Variants in TMPRSS11A observed in about 807,000 individuals in gnomAD.
TMPRSS11A encodes the protein transmembrane protease serine 11A.
TMPRSS11A carries 53 observed loss-of-function variants against 58.9 expected under a neutral mutation model. The ratio of observed to expected loss-of-function variants is 0.90; its 90% CI spans 0.72 to 1.13. TMPRSS11A has a LOEUF of 1.13. TMPRSS11A is among the 50% of genes most tolerant of loss of function. The pLI, the probability that TMPRSS11A is intolerant of heterozygous loss-of-function variation, is 0.00. For synonymous variants in TMPRSS11A, 167 were observed against 169.8 expected (o/e 0.98, Z 0.13); for missense variants, 493 against 499.3 (o/e 0.99, Z 0.12).
chr4:67,930,852 A>T (rs1720599511), intron 4 of TMPRSS11A, among the ~76,000 whole-genome samples: 1 of 137,158 alleles, frequency 7.3e-6, no homozygotes, highest in Admixed American at 7.3e-5. Context: ...AAAACTGTGA[A>T]AAACTCTAGA....
intron 1 of TMPRSS11A, among the ~76,000 whole-genome samples, chr4:67,958,083 G>C: frequency 6.6e-6 from 1 of 152,178 alleles, no homozygotes; most frequent in East Asian, 1.9e-4. Context: ...GAAATGCCTA[G>C]AAGTCCAGGA....
chr4:67,960,144 G>T (rs1327880709), intron 1 of TMPRSS11A, among the ~76,000 whole-genome samples: 2 of 152,230 alleles, frequency 1.3e-5, no homozygotes, highest in East Asian at 3.9e-4. Context: ...GGGAATAATG[G>T]ACACTGCAGA....
At chr4:67,925,355 T>G (rs1720439720) in intron 5 of TMPRSS11A, among the ~76,000 whole-genome samples, 1 of 152,228 alleles carries the variant, frequency 6.6e-6, no homozygotes. Context: ...TTGATGATTT[T>G]CAAGTTAAAA....
chr4:67,959,216 C>T (rs186045531), intron 1 of TMPRSS11A, among the ~76,000 whole-genome samples: 6 of 152,310 alleles, frequency 3.9e-5, no homozygotes, highest in African/African-American at 1.4e-4. Flanking sequence ...AGACAGAACA[C>T]TATGGAGTGA....
At chr4:67,955,444 C>G (rs111420678) in intron 1 of TMPRSS11A, among the ~76,000 whole-genome samples, 5 of 152,238 alleles carry the variant, frequency 3.3e-5, no homozygotes, top group African/African-American at 1.2e-4. Context: ...GATATGGTAT[C>G]AGGTTGGAGG....
At chr4:67,950,942 G>A (rs1465051602) in intron 1 of TMPRSS11A, among the ~76,000 whole-genome samples, 1 of 152,228 alleles carries the variant, frequency 6.6e-6, no homozygotes, top group African/African-American at 2.4e-5. Context: ...AGAGCCCCTG[G>A]TGAGGTGGAA....
At chr4:67,957,044 G>T (rs1721308296) in intron 1 of TMPRSS11A, among the ~76,000 whole-genome samples, 1 of 152,158 alleles carries the variant, frequency 6.6e-6, no homozygotes, top group Non-Finnish European at 1.5e-5. Context: ...CTGCCACTAT[G>T]TAAGACATGC....
chr4:67,942,636 C>A (rs74427937), intron 3 of TMPRSS11A, among the ~76,000 whole-genome samples: 1,707 of 152,232 alleles, frequency 0.011, 31 homozygotes, highest in African/African-American at 0.039. Context: ...TGTAGATGGG[C>A]GTGCACACTG....
chr4:67,960,562 A>T (rs1721398122), intron 1 of TMPRSS11A, among the ~76,000 whole-genome samples: 1 of 152,240 alleles, frequency 6.6e-6, no homozygotes, highest in Admixed American at 6.5e-5. Flanking sequence ...ATGCTTATTT[A>T]TAGTAAGCAC....
intron 1 of TMPRSS11A, among the ~76,000 whole-genome samples, chr4:67,947,167 T>C (rs1472341910): frequency 6.6e-6 from 1 of 152,170 alleles, no homozygotes; most frequent in Non-Finnish European, 1.5e-5. Flanking sequence ...ATCATTATTA[T>C]AGACAATTAG....
Position 67,911,506 on chromosome 4 carries a change from A to G in TMPRSS11A, c.1096-3T>C, listed in dbSNP as rs748482796. 6.3e-7 allele frequency: 1 copy of G among 1,598,134 alleles called. No individual in the cohort carries two copies. Among genetic ancestry groups the G allele is most frequent in the Non-Finnish European group, 8.5e-7 (1 of 1,175,094 alleles). ...ACTAAAGGTCCCCCAGAATCACCCTAAAAATAAAAACATAAGAAAAAAGAA... is the reference window on the plus strand; with the variant it reads ...ACTAAAGGTCCCCCAGAATCACCCTGAAAATAAAAACATAAGAAAAAAGAA... On this transcript the variant is annotated splice_region_variant and splice_polypyrimidine_tract_variant and intron_variant, in intron 9 of 9. Coordinates refer to ENST00000508048, the MANE Select transcript of TMPRSS11A (RefSeq NM_001114387.2).
rs1415311812 is a variant in TMPRSS11A, at chr4:67,914,711, G to C, written c.972C>G (p.Leu324=). ...TTATGATTTTCACTCTGGCTTCTCG[G>C]AGATCATTTTGGGATTCCCCTTAAG... ...LYYGGESQND[L]REARVKIISD... The change falls in exon 9 of 10, where the codon CTC becomes CTG. Residue 324 remains leucine, a synonymous_variant. Coordinates refer to ENST00000508048, the MANE Select transcript of TMPRSS11A (RefSeq NM_001114387.2). 2 of 1,612,790 alleles carry C rather than the reference G, an allele frequency of 1.2e-6. No homozygotes were observed. The highest frequency in any genetic ancestry group is 1.1e-5 in the South Asian group (1 of 90,776).
At chr4:67,949,783 C>T (rs764787167) in intron 1 of TMPRSS11A, among the ~76,000 whole-genome samples, 24 of 152,032 alleles carry the variant, frequency 1.6e-4, no homozygotes, top group Non-Finnish European at 2.2e-4. Flanking sequence ...TGCTTGAACC[C>T]GGGAGATGGA....
At chr4:67,959,021 G>A (rs1489508771) in intron 1 of TMPRSS11A, among the ~76,000 whole-genome samples, 1 of 152,206 alleles carries the variant, frequency 6.6e-6, no homozygotes, top group Admixed American at 6.5e-5. Context: ...ACATGGAACT[G>A]TGAGTGCATT....
intron 1 of TMPRSS11A, among the ~76,000 whole-genome samples, chr4:67,949,353 G>T (rs1174813153): frequency 6.6e-6 from 1 of 152,210 alleles, no homozygotes; most frequent in Non-Finnish European, 1.5e-5. Flanking sequence ...GTGAGCATCT[G>T]AGGGAAAATG....
intron 4 of TMPRSS11A, among the ~76,000 whole-genome samples, chr4:67,931,591 T>C (rs111875516): frequency 6.6e-6 from 1 of 152,328 alleles, no homozygotes; most frequent in African/African-American, 2.4e-5. Flanking sequence ...ACCCATTTTA[T>C]AGCCAAGTTT....
At chr4:67,915,783 G>C (rs924753645) in intron 8 of TMPRSS11A, among the ~76,000 whole-genome samples, 1 of 152,198 alleles carries the variant, frequency 6.6e-6, no homozygotes, top group Non-Finnish European at 1.5e-5. Flanking sequence ...CACAACCCCA[G>C]CTGACACCTT....
At chr4:67,914,785 T>C (rs1310512056) in intron 8 of TMPRSS11A, 55 bp from the exon 9 acceptor site, 2 of 1,475,260 alleles carry the variant, frequency 1.4e-6, no homozygotes, top group African/African-American at 2.8e-5. Flanking sequence ...TTGGCTAGAG[T>C]GAAGTGAGCA....
At chr4:67,929,148 T>G (rs1720547154) in intron 5 of TMPRSS11A, among the ~76,000 whole-genome samples, 1 of 152,204 alleles carries the variant, frequency 6.6e-6, no homozygotes, top group Non-Finnish European at 1.5e-5. Context: ...ATTCCTCAAC[T>G]CTTTTTGTGT....
Sources: gnomAD v4.1 joint callset for allele counts (sites outside exome capture counted in the v4.1 genomes callset) on GRCh38, gnomAD v4.1.1 for gene constraint, MANE v1.5 for transcripts, NCBI Gene and HGNC (gene_info 2026-07-23, HGNC 2026-07-21) for gene names.